Variants in SLC24A3 observed in about 807,000 individuals in gnomAD.
The protein encoded by SLC24A3 is sodium/potassium/calcium exchanger 3.
SLC24A3 carries 28 observed loss-of-function variants against 75.8 expected under a neutral mutation model. The observed-to-expected ratio is 0.37, with a 90% CI of 0.27 to 0.51. The LOEUF is 0.51. SLC24A3 is among the 20% of genes least tolerant of loss of function. SLC24A3 has a pLI of 0.94. For synonymous variants in SLC24A3, 372 were observed against 334.1 expected, an observed-to-expected ratio of 1.11 and a Z score of -1.24; for missense variants, 663 against 847.8, an observed-to-expected ratio of 0.78 and a Z score of 2.71.
chr20:19,243,092 T>C (rs1324552832), intron 1 of SLC24A3, among the ~76,000 whole-genome samples: 1 of 152,192 alleles, frequency 6.6e-6, no homozygotes, highest in Non-Finnish European at 1.5e-5. Flanking sequence ...ATGTCTGTTT[T>C]TATGATATTA....
chr20:19,567,311 G>A (rs1297981382), intron 3 of SLC24A3, among the ~76,000 whole-genome samples: 1 of 152,048 alleles, frequency 6.6e-6, no homozygotes, highest in Non-Finnish European at 1.5e-5. Flanking sequence ...TTTAAAATGT[G>A]GTACATATAC....
At chr20:19,484,048 G>A (rs1402577032) in intron 2 of SLC24A3, among the ~76,000 whole-genome samples, 3 of 152,188 alleles carry the variant, frequency 2.0e-5, no homozygotes, top group South Asian at 2.1e-4. Context: ...GTTAATGGGA[G>A]CATTAGTCAC....
At chr20:19,633,681 A>G (rs113790379) in intron 6 of SLC24A3, among the ~76,000 whole-genome samples, 7 of 149,222 alleles carry the variant, frequency 4.7e-5, no homozygotes, top group Non-Finnish European at 1.0e-4. Flanking sequence ...GAATGCCAGT[A>G]GTATTGGATT....
intron 2 of SLC24A3, among the ~76,000 whole-genome samples, chr20:19,465,470 G>A (rs745982269): frequency 1.4e-5 from 2 of 145,960 alleles, no homozygotes; most frequent in Non-Finnish European, 3.0e-5. Flanking sequence ...ATGCACATTT[G>A]TTTGCTACAA....
At chr20:19,265,707 C>T (rs1410150134) in intron 1 of SLC24A3, 1 of 152,578 alleles carries the variant, frequency 6.6e-6, no homozygotes, top group Non-Finnish European at 1.5e-5. Context: ...TTGCCTATCT[C>T]TGTCCTTTGG....
At chr20:19,571,373 A>T (rs2031049210) in intron 3 of SLC24A3, among the ~76,000 whole-genome samples, 1 of 152,172 alleles carries the variant, frequency 6.6e-6, no homozygotes, top group East Asian at 1.9e-4. Context: ...AACCAAAAGA[A>T]ATAAATGACT....
At chr20:19,503,292 G>C (rs1338696789) in intron 2 of SLC24A3, among the ~76,000 whole-genome samples, 1 of 152,160 alleles carries the variant, frequency 6.6e-6, no homozygotes, top group African/African-American at 2.4e-5. Context: ...AGAGCCCTGT[G>C]ACAGTTCAAG....
intron 2 of SLC24A3, among the ~76,000 whole-genome samples, chr20:19,419,674 T>C (rs1390715260): frequency 6.6e-6 from 1 of 152,132 alleles, no homozygotes; most frequent in African/African-American, 2.4e-5. Flanking sequence ...GTAGGATCTT[T>C]GCAGCAGCTG....
chr20:19,461,529 C>CTTTT (rs11468628), intron 2 of SLC24A3, among the ~76,000 whole-genome samples: 23 of 101,410 alleles, frequency 2.3e-4, no homozygotes, highest in East Asian at 8.4e-4. Context: ...TCTTTTTTTT[C>CTTTT]TTTTTTTTTT....
chr20:19,252,648 G>GC (rs1555783968), intron 1 of SLC24A3, among the ~76,000 whole-genome samples: 2 of 149,202 alleles, frequency 1.3e-5, no homozygotes, highest in African/African-American at 4.9e-5. Flanking sequence ...AATGGCGGGG[G>GC]GGGGTGCCTG....
intron 2 of SLC24A3, among the ~76,000 whole-genome samples, chr20:19,428,887 A>T (rs934079093): frequency 1.3e-5 from 2 of 152,212 alleles, no homozygotes; most frequent in Non-Finnish European, 1.5e-5. Flanking sequence ...ATCAGTATCG[A>T]TATCCTTACT....
intron 2 of SLC24A3, among the ~76,000 whole-genome samples, chr20:19,412,711 G>A (rs189274541): frequency 6.6e-6 from 1 of 152,272 alleles, no homozygotes; most frequent in African/African-American, 2.4e-5. Context: ...AGTATAGGGT[G>A]CATATTTTGG....
intron 3 of SLC24A3, among the ~76,000 whole-genome samples, chr20:19,550,543 T>G (rs1169976342): frequency 1.3e-5 from 2 of 152,148 alleles, no homozygotes; most frequent in Non-Finnish European, 2.9e-5. Flanking sequence ...GATACATGTG[T>G]GAGTGTGTGT....
At chr20:19,418,765 G>A (rs763857928) in intron 2 of SLC24A3, among the ~76,000 whole-genome samples, 1 of 152,064 alleles carries the variant, frequency 6.6e-6, no homozygotes, top group Non-Finnish European at 1.5e-5. Context: ...TAAGTCTGGG[G>A]CAGGAAATGC....
chr20:19,545,710 T>A (rs1160276581), intron 3 of SLC24A3, among the ~76,000 whole-genome samples: 1 of 152,134 alleles, frequency 6.6e-6, no homozygotes, highest in Non-Finnish European at 1.5e-5. Flanking sequence ...CAAAATGCAA[T>A]GACTGGTTTG....
intron 2 of SLC24A3, among the ~76,000 whole-genome samples, chr20:19,410,505 G>A (rs1986724122): frequency 1.3e-5 from 2 of 152,014 alleles, no homozygotes; most frequent in African/African-American, 4.8e-5. Context: ...AACACTCAGG[G>A]ACAATAAGTA....
chr20:19,663,412 C>T (rs2032353905), intron 7 of SLC24A3, among the ~76,000 whole-genome samples: 5 of 44,918 alleles, frequency 1.1e-4, no homozygotes, highest in Admixed American at 4.1e-4. Flanking sequence ...TCCTCCACCT[C>T]CTCCTCCTCC....
At chr20:19,512,069 G>A (rs2029895151) in intron 2 of SLC24A3, among the ~76,000 whole-genome samples, 1 of 152,240 alleles carries the variant, frequency 6.6e-6, no homozygotes, top group African/African-American at 2.4e-5. Flanking sequence ...GACTGTGCCA[G>A]ATTGGAGGCT....
At chr20:19,665,488 T>G (rs914927748) in intron 7 of SLC24A3, among the ~76,000 whole-genome samples, 4 of 152,248 alleles carry the variant, frequency 2.6e-5, no homozygotes, top group African/African-American at 4.8e-5. Flanking sequence ...AAGAACCTGC[T>G]GAGCTCCTAC....
Sources: allele counts gnomAD v4.1 joint callset (sites outside exome capture counted in the v4.1 genomes callset), GRCh38; gene constraint gnomAD v4.1.1; transcripts MANE v1.5; gene names NCBI Gene and HGNC (gene_info 2026-07-23, HGNC 2026-07-21).